Variants in RNF220 observed in about 807,000 individuals in gnomAD.
RNF220 encodes ring finger protein 220.
RNF220 carries 7 observed loss-of-function variants against 67.1 expected under a neutral mutation model. The ratio of observed to expected loss-of-function variants is 0.10; its 90% CI spans 0.06 to 0.20. The LOEUF (loss-of-function observed/expected upper bound fraction) is 0.20, where lower values mean the gene tolerates loss of function less well. Ranked by LOEUF, RNF220 falls within the 10% of genes least tolerant of loss-of-function variation. The pLI is 1.00. For missense variants in RNF220, 565 were observed against 740.3 expected (o/e 0.76, Z 2.75); for synonymous variants, 270 against 283.2 (o/e 0.95, Z 0.47).
intron 2 of RNF220, among the ~76,000 whole-genome samples, chr1:44,537,438 CA>C (rs772060966): frequency 8.0e-5 from 12 of 150,576 alleles, no homozygotes; most frequent in African/African-American, 1.9e-4. Context: ...ACACCTTCTA[CA>C]AAAAAAAATG....
intron 2 of RNF220, among the ~76,000 whole-genome samples, chr1:44,467,801 T>A (rs1654417188): frequency 6.6e-6 from 1 of 152,186 alleles, no homozygotes; most frequent in Non-Finnish European, 1.5e-5. Context: ...TGTCTTGGCT[T>A]TTGACATGCC....
intron 2 of RNF220, among the ~76,000 whole-genome samples, chr1:44,432,677 A>G (rs1440286901): frequency 6.6e-6 from 1 of 152,080 alleles, no homozygotes; most frequent in African/African-American, 2.4e-5. Flanking sequence ...CCTGGGCTCA[A>G]GTGATCTTCG....
At chr1:44,566,073 C>T (rs1663983367) in intron 2 of RNF220, among the ~76,000 whole-genome samples, 1 of 152,170 alleles carries the variant, frequency 6.6e-6, no homozygotes, top group African/African-American at 2.4e-5. Flanking sequence ...GGAGCTATTT[C>T]CGGCAAGGTG....
chr1:44,449,266 G>C (rs1022302457), intron 2 of RNF220, among the ~76,000 whole-genome samples: 1 of 152,104 alleles, frequency 6.6e-6, no homozygotes, highest in Admixed American at 6.5e-5. Context: ...CATTCAACAC[G>C]ATACCTGCAC....
At chr1:44,500,643 C>T (rs1324352755) in intron 2 of RNF220, among the ~76,000 whole-genome samples, 4 of 152,216 alleles carry the variant, frequency 2.6e-5, no homozygotes, top group African/African-American at 9.6e-5. Flanking sequence ...GACCTTTCCT[C>T]CCCAGCGGCT....
At chr1:44,547,987 G>A (rs978305785) in intron 2 of RNF220, among the ~76,000 whole-genome samples, 2 of 151,954 alleles carry the variant, frequency 1.3e-5, no homozygotes, top group African/African-American at 4.8e-5. Context: ...ACATCAACTC[G>A]CAACTTGTTC....
intron 2 of RNF220, among the ~76,000 whole-genome samples, chr1:44,508,523 C>T (rs1360037639): frequency 2.6e-5 from 4 of 152,200 alleles, no homozygotes; most frequent in Non-Finnish European, 5.9e-5. Context: ...GAAGAACATC[C>T]GTAGAAGGGA....
rs923595065 is a variant in RNF220 at position 44,650,611 on chromosome 1, C to T, written c.1630-93C>T. On this transcript the variant is annotated intron_variant, in intron 14 of 14. Coordinates refer to ENST00000361799, the MANE Select transcript of RNF220 (RefSeq NM_018150.4). The surrounding 1 kb of genome is among the most constrained non-coding windows in gnomAD (Gnocchi z 4.3). ...GACAGGACCAAGGTCTCAGCACACA[C>T]TGGTGCAGAGAGACATGGCTGCAGG... The T allele has an allele frequency of 5.9e-6, 8 of 1,350,338 alleles. No homozygotes were observed. Among genetic ancestry groups the T allele is most frequent in the Admixed American group, 1.7e-5 (1 of 57,432 alleles). 83.6% of individuals were successfully genotyped at this position (1,350,338 alleles called of 1,614,324 possible).
chr1:44,420,075 C>T (rs1649040555), intron 2 of RNF220, among the ~76,000 whole-genome samples: 1 of 152,126 alleles, frequency 6.6e-6, no homozygotes, highest in African/African-American at 2.4e-5. Context: ...GTTTTGTAGA[C>T]ACATGTAACC....
intron 2 of RNF220, among the ~76,000 whole-genome samples, chr1:44,415,191 C>G (rs892321894): frequency 6.6e-6 from 1 of 151,594 alleles, no homozygotes; most frequent in Non-Finnish European, 1.5e-5. Flanking sequence ...CATATGCCGA[C>G]GTGTGTCGGA....
chr1:44,504,990 A>G (rs531432269), intron 2 of RNF220, among the ~76,000 whole-genome samples: 5 of 152,188 alleles, frequency 3.3e-5, no homozygotes, highest in African/African-American at 9.7e-5. Context: ...AAGAAAAACT[A>G]TCATGAACTA....
intron 2 of RNF220, among the ~76,000 whole-genome samples, chr1:44,612,108 A>T (rs1292554887): frequency 2.6e-5 from 4 of 152,144 alleles, no homozygotes; most frequent in Non-Finnish European, 5.9e-5. Flanking sequence ...CAGCCACCTG[A>T]TCAGTAGGAC....
Position 44,632,400 on chromosome 1 carries a change from G to GCCCCAA in RNF220, c.949+19_949+20insAACCCC. Reference sequence around the variant, plus strand: ...CCGACTGAATGGTGAGTCCTGCCCGGCCCCTCCCTCCGCCCCACCCCCGGC... The same window carrying GCCCCAA: ...CCGACTGAATGGTGAGTCCTGCCCGGCCCCAACCCCTCCCTCCGCCCCACCCCCGGC... On this transcript the variant is annotated intron_variant, in intron 6 of 14. Coordinates refer to ENST00000361799, the MANE Select transcript of RNF220 (RefSeq NM_018150.4). 1 of 1,607,452 alleles carries GCCCCAA rather than the reference G, an allele frequency of 6.2e-7. No individual in the cohort carries two copies. The highest frequency in any genetic ancestry group is 2.2e-5 in the East Asian group (1 of 44,634).
chr1:44,645,350 A>C lies in RNF220; in HGVS notation c.1367-60A>C. 1 of 1,613,468 alleles carries C rather than the reference A, an allele frequency of 6.2e-7. No homozygotes were observed. The highest frequency in any genetic ancestry group is 8.5e-7 in the Non-Finnish European group (1 of 1,179,406). Reference sequence around the variant, plus strand: ...AGATGGTGGTGACTGACTCAAGCCCAACCCCTCACCTGTGCTGCCCAGTCT... The same window carrying C: ...AGATGGTGGTGACTGACTCAAGCCCCACCCCTCACCTGTGCTGCCCAGTCT... On this transcript the variant is annotated intron_variant, in intron 11 of 14. Coordinates refer to ENST00000361799, the MANE Select transcript of RNF220 (RefSeq NM_018150.4). This position sits in a 1 kb window ranked among gnomAD's most constrained non-coding sequence, Gnocchi z 5.0.
At chr1:44,551,404 C>T (rs917197495) in intron 2 of RNF220, among the ~76,000 whole-genome samples, 8 of 83,122 alleles carry the variant, frequency 9.6e-5, no homozygotes, top group Non-Finnish European at 2.3e-4. Flanking sequence ...CGTGAGCCAC[C>T]GTGCCCGGCC....
chr1:44,465,943 C>G (rs1468837359), intron 2 of RNF220, among the ~76,000 whole-genome samples: 1 of 151,538 alleles, frequency 6.6e-6, no homozygotes, highest in East Asian at 1.9e-4. Flanking sequence ...TTAAGGTTGG[C>G]GTAGCTGTGG....
intron 2 of RNF220, among the ~76,000 whole-genome samples, chr1:44,426,252 C>A (rs956191164): frequency 1.3e-5 from 2 of 152,280 alleles, no homozygotes; most frequent in Non-Finnish European, 2.9e-5. Context: ...TAGGCAGAAT[C>A]AAGTCGAAGA....
At chr1:44,446,651 C>T (rs1342609898) in intron 2 of RNF220, among the ~76,000 whole-genome samples, 2 of 151,774 alleles carry the variant, frequency 1.3e-5, no homozygotes, top group African/African-American at 2.4e-5. Context: ...CCTCCACCTC[C>T]GGGTTCAAGC....
At chr1:44,510,739 CGTT>C (rs995033155) in intron 2 of RNF220, among the ~76,000 whole-genome samples, 2 of 152,164 alleles carry the variant, frequency 1.3e-5, no homozygotes, top group Non-Finnish European at 2.9e-5. Flanking sequence ...CCCTACCAGT[CGTT>C]ACGCACTGTG....
Sources: allele counts gnomAD v4.1 joint callset (sites outside exome capture counted in the v4.1 genomes callset), GRCh38; gene constraint gnomAD v4.1.1; non-coding constraint Gnocchi (gnomAD v3.1); transcripts MANE v1.5; gene names NCBI Gene and HGNC (gene_info 2026-07-23, HGNC 2026-07-21).